Variants in TIMM44 observed in about 807,000 individuals in gnomAD.
TIMM44 encodes mitochondrial import inner membrane translocase subunit TIM44.
Under a neutral mutation model 63.8 loss-of-function variants are expected in TIMM44, and 37 were observed. The ratio of observed to expected loss-of-function variants is 0.58; its 90% CI spans 0.45 to 0.76. TIMM44 has a LOEUF of 0.76. Among genes scored for constraint, TIMM44 ranks in the 30% least tolerant of loss-of-function variants. The pLI, the probability that TIMM44 is intolerant of heterozygous loss-of-function variation, is 0.00. For synonymous variants in TIMM44, 239 were observed against 245.1 expected (o/e 0.98, Z 0.23); for missense variants, 573 against 603.8 (o/e 0.95, Z 0.54).
At chr19:7,936,842 T>A (rs550527623) in intron 3 of TIMM44, among the ~76,000 whole-genome samples, 8 of 152,256 alleles carry the variant, frequency 5.3e-5, no homozygotes, top group Admixed American at 3.9e-4. Flanking sequence ...GGCTCACACC[T>A]GTAATCTCAG....
rs905291424 is a variant in TIMM44, at chr19:7,943,440, G to A, written c.45+167C>T. Among the ~76,000 whole-genome samples, 2 of 152,162 alleles carry A rather than the reference G, an allele frequency of 1.3e-5. No homozygotes were observed. Among genetic ancestry groups the A allele is most frequent in the African/African-American group, 2.4e-5 (1 of 41,440 alleles). ...AGCTCGGTCCCCGCCCTCAGGCCAC[G>A]CTCTGTGCCCCCTGTCCTGGCCTCT... On this transcript the variant is annotated intron_variant, in intron 1 of 12. Transcript: ENST00000270538. This position sits in a 1 kb window ranked among gnomAD's most constrained non-coding sequence, Gnocchi z 4.3.
chr19:7,926,995 T>C lies in TIMM44; in HGVS notation c.*192A>G, dbSNP rs1983824622. ...GGCAGGGGTTGGCCCTGCGGGGGAG[T>C]GTCTCCAGCTGCCGCGCACCCGCAA... On this transcript the variant is annotated 3_prime_UTR_variant, in exon 13 of 13. Coordinates refer to ENST00000270538, the MANE Select transcript of TIMM44 (RefSeq NM_006351.4). The C allele has an allele frequency of 4.0e-6, 3 of 753,894 alleles. No individual in the cohort carries two copies. The highest frequency in any genetic ancestry group is 5.8e-5 in the East Asian group (2 of 34,578). The allele number at this position is 753,894 out of a possible 1,614,324, so 46.7% of individuals were successfully genotyped here.
chr19:7,933,481 TCACGGTTAAA>T lies in TIMM44; in HGVS notation c.763_769+3del. The T allele has an allele frequency of 6.2e-7, 1 of 1,613,882 alleles. No homozygotes were observed. Among genetic ancestry groups the T allele is most frequent in the African/African-American group, 1.3e-5 (1 of 75,028 alleles). On this transcript the variant is annotated splice_donor_variant and splice_donor_region_variant and coding_sequence_variant and intron_variant, in exon 7 of 13. Transcript: ENST00000270538. LOFTEE classifies it high-confidence loss of function. This position sits in a 1 kb window ranked among gnomAD's most constrained non-coding sequence, Gnocchi z 4.3. ...CACCTGCCCTCCAAGACACCTTCACTCACGGTTAAACACCACGTTGTTCTCCTTGAAGTCC... is the reference window on the plus strand; with the variant it reads ...CACCTGCCCTCCAAGACACCTTCACTCACCACGTTGTTCTCCTTGAAGTCC...
At chr19:7,927,605 TC>T in intron 12 of TIMM44, 51 bp downstream of exon 12, 1 of 1,552,896 alleles carries the variant, frequency 6.4e-7, no homozygotes. Flanking sequence ...CACACACAGA[TC>T]TTGGGGACAG....
intron 2 of TIMM44, among the ~76,000 whole-genome samples, chr19:7,938,492 A>C (rs917326549): frequency 1.3e-5 from 2 of 152,132 alleles, no homozygotes; most frequent in Non-Finnish European, 2.9e-5. Context: ...TTTAAGACCA[A>C]CCTGGGCAAC....
rs374787408 is a variant in TIMM44, at chr19:7,934,008, G to C, written c.544-5C>G. ...CTTCTTCACGGACTCCACCCCCTGC[G>C]AGGGAGGCACAGCGGGGCTGGGGTG... On this transcript the variant is annotated splice_polypyrimidine_tract_variant and splice_region_variant and intron_variant, in intron 5 of 12. Coordinates refer to ENST00000270538, the MANE Select transcript of TIMM44 (RefSeq NM_006351.4). The surrounding 1 kb of genome is among the most constrained non-coding windows in gnomAD (Gnocchi z 5.3). 3.7e-6 allele frequency: 6 copies of C among 1,613,864 alleles called. No individual in the cohort carries two copies. The highest frequency in any genetic ancestry group is 4.2e-6 in the Non-Finnish European group (5 of 1,179,996).
In TIMM44 at chr19:7,933,643, AG is replaced by A. The variant is rs1168333415; in HGVS notation, c.684-74del. ...CCTGTGCCCTCCTGCGGCTGCAGGC[AG>A]GGGGCAGTACAGGACAGCAGGCAGC... On this transcript the variant is annotated intron_variant, in intron 6 of 12. Transcript: ENST00000270538. This position sits in a 1 kb window ranked among gnomAD's most constrained non-coding sequence, Gnocchi z 4.3. The A allele has an allele frequency of 2.0e-5, 28 of 1,416,192 alleles. No individual in the cohort carries two copies. Among genetic ancestry groups the A allele is most frequent in the Non-Finnish European group, 2.5e-5 (25 of 1,001,068 alleles). 87.7% of individuals were successfully genotyped at this position (1,416,192 alleles called of 1,614,324 possible). A position where few individuals can be genotyped will look rare whatever the true frequency, so the allele number is the denominator to read the frequency against.
chr19:7,932,631 A>T lies in TIMM44; in HGVS notation c.983T>A (p.Leu328Gln), dbSNP rs1287430761. The part of the protein sequence containing the change: ...QCENDIIPNV[L>Q]EAMISGELDI... ...TCCTGGGGGTGTGGCACCCACCTCCAGGACATTGGGGATGATGTCGTTCTC... is the reference window on the plus strand; with the variant it reads ...TCCTGGGGGTGTGGCACCCACCTCCTGGACATTGGGGATGATGTCGTTCTC... Residue 328 changes from leucine to glutamine, a missense_variant, in exon 9 of 13, where the codon CTG (leucine) becomes CAG (glutamine). By Grantham distance (113) the Leu-to-Gln change is moderately radical. Coordinates refer to ENST00000270538, the MANE Select transcript of TIMM44 (RefSeq NM_006351.4). 3.7e-6 allele frequency: 6 copies of T among 1,613,240 alleles called. No individual in the cohort carries two copies. The highest frequency in any genetic ancestry group is 5.1e-6 in the Non-Finnish European group (6 of 1,180,008).
In TIMM44 at chr19:7,934,601, G is replaced by C. The variant is rs1984090697; in HGVS notation, c.394-363C>G. Among the ~76,000 whole-genome samples, 1 of 152,172 alleles carries C rather than the reference G, an allele frequency of 6.6e-6. No individual in the cohort carries two copies. Among genetic ancestry groups the C allele is most frequent in the African/African-American group, 2.4e-5 (1 of 41,448 alleles). Reference sequence around the variant, plus strand: ...CCAAAATGGGCAGGAGTCCTCTGGAGACCCGGGAACTGCCTGGCAGCAAGG... The same window carrying C: ...CCAAAATGGGCAGGAGTCCTCTGGACACCCGGGAACTGCCTGGCAGCAAGG... On this transcript the variant is annotated intron_variant, in intron 4 of 12. Coordinates refer to ENST00000270538, the MANE Select transcript of TIMM44 (RefSeq NM_006351.4). The surrounding 1 kb of genome is among the most constrained non-coding windows in gnomAD (Gnocchi z 5.3).
rs1984104830 is a variant in TIMM44 at position 7,935,037 on chromosome 19, C to CG, written c.393+27dup. On this transcript the variant is annotated intron_variant, in intron 4 of 12. Transcript: ENST00000270538. Reference sequence around the variant, plus strand: ...GGCCAGGGGACTTTGATGGCCCCAGCGGCTCCAGGCGGGCGTGGAACTGTT... The same window carrying CG: ...GGCCAGGGGACTTTGATGGCCCCAGCGGGCTCCAGGCGGGCGTGGAACTGTT... The CG allele has an allele frequency of 2.5e-6, 4 of 1,597,812 alleles. No individual in the cohort carries two copies. In the Admixed American group the frequency reaches 5.1e-5, roughly 20 times the overall value.
In TIMM44 at chr19:7,933,264, T is replaced by C. The variant is rs926292349; in HGVS notation, c.769+221A>G. Among the ~76,000 whole-genome samples, 9 of 152,128 alleles carry C rather than the reference T, an allele frequency of 5.9e-5. No individual in the cohort carries two copies. Among genetic ancestry groups the C allele is most frequent in the Non-Finnish European group, 2.9e-5 (2 of 68,002 alleles). ...ACAAGGGACAGGGGCCTGCGGCTCG[T>C]TTCGGGGCCCTGACTGTGCTTATGA... On this transcript the variant is annotated intron_variant, in intron 7 of 12. Transcript: ENST00000270538. The surrounding 1 kb of genome is among the most constrained non-coding windows in gnomAD (Gnocchi z 4.3).
intron 1 of TIMM44, among the ~76,000 whole-genome samples, chr19:7,942,871 G>C (rs544688501): frequency 6.6e-6 from 1 of 150,534 alleles, no homozygotes; most frequent in African/African-American, 2.4e-5. Flanking sequence ...GTAGAGATGG[G>C]ATTTCACCAT....
At chr19:7,930,278 C>T (rs1241469229) in intron 10 of TIMM44, among the ~76,000 whole-genome samples, 1 of 149,268 alleles carries the variant, frequency 6.7e-6, no homozygotes, top group Non-Finnish European at 1.5e-5. Context: ...GCTGGGACAA[C>T]AGGTGCCTGC....
chr19:7,927,989 G>T, intron 11 of TIMM44, 88 bp downstream of exon 11: 1 of 1,342,136 alleles, frequency 7.5e-7, no homozygotes, highest in Non-Finnish European at 1.0e-6. Context: ...ATGGCCCCCA[G>T]CCCCTGGCAA....
intron 1 of TIMM44, among the ~76,000 whole-genome samples, 184 bp from the exon 2 acceptor site, chr19:7,941,381 G>GGTT (rs1984306549): frequency 6.6e-6 from 1 of 151,266 alleles, no homozygotes; most frequent in African/African-American, 2.4e-5. Flanking sequence ...TATGCCTCCT[G>GGTT]GGTTCAAGCG....
intron 10 of TIMM44, 98 bp from the exon 11 acceptor site, chr19:7,928,264 G>A: frequency 9.4e-7 from 1 of 1,065,550 alleles, no homozygotes; most frequent in Non-Finnish European, 1.4e-6. Context: ...CAGGTGCCCT[G>A]CCGCCAGCCA....
At chr19:7,935,167 C>CTTT (rs753419157) in intron 3 of TIMM44, 22 bp from the exon 4 acceptor site, 21,634 of 1,234,134 alleles carry the variant, frequency 0.018, 48 homozygotes, top group Non-Finnish European at 0.019. Context: ...GCGCTGTGTC[C>CTTT]TTTTTTTTTT....
chr19:7,935,783 C>A (rs969732496), intron 3 of TIMM44, among the ~76,000 whole-genome samples: 1 of 151,992 alleles, frequency 6.6e-6, no homozygotes, highest in African/African-American at 2.4e-5. Context: ...AGCCTCCAGC[C>A]ACCACAGCTT....
At chr19:7,931,117 A>G in intron 10 of TIMM44, 21 bp downstream of exon 10, 1 of 1,605,248 alleles carries the variant, frequency 6.2e-7, no homozygotes, top group South Asian at 1.1e-5. Flanking sequence ...AAAAAAAAAG[A>G]AAAAGAAAGG....
Sources: gnomAD v4.1 joint callset for allele counts (sites outside exome capture counted in the v4.1 genomes callset) on GRCh38, gnomAD v4.1.1 for gene constraint, Gnocchi (gnomAD v3.1) non-coding constraint, MANE v1.5 for transcripts, NCBI Gene and HGNC (gene_info 2026-07-23, HGNC 2026-07-21) for gene names.